The following ATE1 variants were observed in gnomAD, a reference collection of about 807,000 sequenced individuals.
ATE1 encodes the protein arginyl-tRNA--protein transferase 1.
A neutral mutation model predicts 70.5 loss-of-function variants in ATE1; 36 were observed. The observed-to-expected ratio is 0.51, with a 90% CI of 0.39 to 0.67. The LOEUF is 0.67. Ranked by LOEUF, ATE1 falls within the 30% of genes least tolerant of loss-of-function variation. The probability of loss-of-function intolerance (pLI) is 0.00; values close to 1 mark genes in which losing one functional copy is unlikely to be tolerated. For synonymous variants in ATE1, 232 were observed against 219.3 expected, an observed-to-expected ratio of 1.06 and a Z score of -0.51; for missense variants, 593 against 629.5, an observed-to-expected ratio of 0.94 and a Z score of 0.62.
At chr10:121,817,406 G>A (rs1454148222) in intron 10 of ATE1, among the ~76,000 whole-genome samples, 2 of 152,156 alleles carry the variant, frequency 1.3e-5, no homozygotes, top group African/African-American at 4.8e-5. Flanking sequence ...GGGCGCAGTG[G>A]CGGGCGCCTG....
chr10:121,904,282 G>T (rs1310671385), intron 5 of ATE1, among the ~76,000 whole-genome samples: 1 of 151,298 alleles, frequency 6.6e-6, no homozygotes, highest in Non-Finnish European at 1.5e-5. Flanking sequence ...GCACCTGGCC[G>T]AATTTTCCAA....
chr10:121,871,893 A>G (rs1949874853), intron 7 of ATE1, among the ~76,000 whole-genome samples: 2 of 152,234 alleles, frequency 1.3e-5, no homozygotes, highest in South Asian at 4.1e-4. Flanking sequence ...CATGAAGCAA[A>G]TAATTTTATT....
intron 2 of ATE1, among the ~76,000 whole-genome samples, chr10:121,923,670 A>C (rs1452975994): frequency 6.6e-6 from 1 of 152,220 alleles, no homozygotes; most frequent in Admixed American, 6.5e-5. Context: ...AAGGAACTTT[A>C]CCTAAGAGTT....
intron 11 of ATE1, among the ~76,000 whole-genome samples, chr10:121,754,592 A>T (rs913467437): frequency 6.6e-6 from 1 of 152,228 alleles, no homozygotes; most frequent in Non-Finnish European, 1.5e-5. Context: ...ATAAAAGTAG[A>T]AGTAGTGATA....
intron 11 of ATE1, among the ~76,000 whole-genome samples, chr10:121,761,024 G>A (rs1034329872): frequency 2.0e-5 from 3 of 152,142 alleles, no homozygotes; most frequent in Non-Finnish European, 2.9e-5. Flanking sequence ...CAGGGGAGGC[G>A]AGTTCTCATT....
At chr10:121,824,921 T>C (rs896045871) in intron 10 of ATE1, among the ~76,000 whole-genome samples, 1 of 151,694 alleles carries the variant, frequency 6.6e-6, no homozygotes, top group Non-Finnish European at 1.5e-5. Context: ...TAATAAATAT[T>C]TGAAAAGCAT....
chr10:121,893,683 C>T (rs1330128603), intron 7 of ATE1, among the ~76,000 whole-genome samples: 1 of 151,822 alleles, frequency 6.6e-6, no homozygotes, highest in Non-Finnish European at 1.5e-5. Context: ...AATCTGAAGT[C>T]AATTGTGTAA....
intron 8 of ATE1, among the ~76,000 whole-genome samples, chr10:121,847,198 C>T (rs775014706): frequency 3.3e-5 from 5 of 152,162 alleles, no homozygotes; most frequent in Non-Finnish European, 7.3e-5. Context: ...CATGTAATCC[C>T]AGCACTTTGA....
intron 7 of ATE1, among the ~76,000 whole-genome samples, chr10:121,887,273 C>T (rs912717333): frequency 2.0e-5 from 3 of 152,184 alleles, no homozygotes; most frequent in African/African-American, 4.8e-5. Context: ...TCATCACGAC[C>T]TTTCCTTTCC....
intron 7 of ATE1, among the ~76,000 whole-genome samples, chr10:121,890,920 C>T (rs1269916438): frequency 6.6e-6 from 1 of 151,860 alleles, no homozygotes; most frequent in Non-Finnish European, 1.5e-5. Flanking sequence ...AACACACATA[C>T]TGGATTAATT....
chr10:121,835,835 C>G (rs1948412617), intron 10 of ATE1, among the ~76,000 whole-genome samples: 1 of 152,140 alleles, frequency 6.6e-6, no homozygotes, highest in Non-Finnish European at 1.5e-5. Flanking sequence ...ATGAAAATTA[C>G]TAAAGCTGGG....
At chr10:121,863,728 GTC>G (rs1949561091) in intron 8 of ATE1, among the ~76,000 whole-genome samples, 1 of 152,018 alleles carries the variant, frequency 6.6e-6, no homozygotes, top group Non-Finnish European at 1.5e-5. Context: ...TCCCACCTCA[GTC>G]TCTCTCACAG....
chr10:121,849,665 G>A (rs1439995920), intron 8 of ATE1, among the ~76,000 whole-genome samples: 1 of 152,190 alleles, frequency 6.6e-6, no homozygotes, highest in Non-Finnish European at 1.5e-5. Context: ...ATAACTGGTC[G>A]ACTCAGCACT....
intron 11 of ATE1, among the ~76,000 whole-genome samples, chr10:121,746,954 G>A (rs1475859695): frequency 6.6e-6 from 1 of 152,204 alleles, no homozygotes; most frequent in Non-Finnish European, 1.5e-5. Flanking sequence ...CTTAGAGAAT[G>A]TCAGTTAGGG....
chr10:121,874,138 T>C (rs745686367), intron 7 of ATE1, among the ~76,000 whole-genome samples: 47 of 152,200 alleles, frequency 3.1e-4, no homozygotes, highest in Non-Finnish European at 2.5e-4. Context: ...ATTTTGCAAT[T>C]ATCAATCTAA....
At chr10:121,757,354 A>C (rs1944850281) in intron 11 of ATE1, among the ~76,000 whole-genome samples, 1 of 152,188 alleles carries the variant, frequency 6.6e-6, no homozygotes, top group South Asian at 2.1e-4. Context: ...TCTTCTTCTG[A>C]GCCCTACAAA....
intron 10 of ATE1, among the ~76,000 whole-genome samples, chr10:121,804,783 TC>T (rs1947030356): frequency 6.6e-6 from 1 of 151,786 alleles, no homozygotes. Flanking sequence ...TGTGTTTGAA[TC>T]TACTACTGTT....
At chr10:121,897,322 G>A (rs1197872147) in intron 7 of ATE1, among the ~76,000 whole-genome samples, 2 of 152,178 alleles carry the variant, frequency 1.3e-5, no homozygotes, top group African/African-American at 2.4e-5. Flanking sequence ...AAGCAGGGAG[G>A]TAGAAAGGCA....
chr10:121,845,602 C>G (rs948367777), intron 8 of ATE1, among the ~76,000 whole-genome samples: 1 of 152,096 alleles, frequency 6.6e-6, no homozygotes, highest in Non-Finnish European at 1.5e-5. Context: ...ACCTAAGCAC[C>G]GTATCCTACT....
Sources: allele counts gnomAD v4.1 joint callset (sites outside exome capture counted in the v4.1 genomes callset), GRCh38; gene constraint gnomAD v4.1.1; transcripts MANE v1.5; gene names NCBI Gene and HGNC (gene_info 2026-07-23, HGNC 2026-07-21).